PIK3R4: variants seen among roughly 807,000 people sequenced by gnomAD.
The protein encoded by PIK3R4 is phosphoinositide-3-kinase regulatory subunit 4, also known as phosphoinositide 3-kinase regulatory subunit 4.
In PIK3R4, 46 loss-of-function variants were observed where a neutral mutation model predicts 136.5. The ratio of observed to expected loss-of-function variants is 0.34; its 90% CI spans 0.27 to 0.43. The LOEUF (loss-of-function observed/expected upper bound fraction) is 0.43, where lower values mean the gene tolerates loss of function less well. Among genes scored for constraint, PIK3R4 ranks in the 20% least tolerant of loss-of-function variants. The pLI, the probability that PIK3R4 is intolerant of heterozygous loss-of-function variation, is 1.00. For missense variants in PIK3R4, 1,331 were observed against 1,649.5 expected (o/e 0.81, Z 3.35); for synonymous variants, 557 against 566.7 (o/e 0.98, Z 0.24).
chr3:130,730,142 GTA>G (rs1366037651), intron 5 of PIK3R4, among the ~76,000 whole-genome samples, 164 bp downstream of exon 5: 2 of 152,260 alleles, frequency 1.3e-5, no homozygotes, highest in Middle Eastern at 3.4e-3. Context: ...CAAGATAACA[GTA>G]TATGAGGATA....
chr3:130,706,805 CTG>C (rs2066608445), intron 11 of PIK3R4, 141 bp downstream of exon 11: 4 of 504,164 alleles, frequency 7.9e-6, no homozygotes, highest in Middle Eastern at 3.7e-4. Context: ...AAAGATAAAC[CTG>C]TCTTAGAAAG....
rs1396024076 is a variant in PIK3R4 at position 130,690,652 on chromosome 3, G to C, written c.3101C>G (p.Ser1034Cys). Reference protein sequence around the residue: ...KMEGKTTTTRSILTYSRIGGR... With the variant: ...KMEGKTTTTRCILTYSRIGGR... ...TCCAATTCGGCTGTATGTAAGAATA[G>C]ATCTGAATGAAAGAAAAATAAAATT... The change falls in exon 14 of 20, where the codon TCT becomes TGT. Residue 1034 changes from serine to cysteine, a missense_variant and splice_region_variant. Ser to Cys is a moderately radical substitution (Grantham distance 112). Coordinates refer to ENST00000356763, the MANE Select transcript of PIK3R4 (RefSeq NM_014602.3). The C allele has an allele frequency of 1.9e-6, 3 of 1,582,036 alleles. No homozygotes were observed. The highest frequency in any genetic ancestry group is 2.6e-6 in the Non-Finnish European group (3 of 1,159,508).
At position 130,690,579 on chromosome 3, in the gene PIK3R4, G is replaced by T; in HGVS notation, c.3174C>A (p.Ala1058=). Residue 1058 remains alanine (A), a synonymous_variant, in exon 14 of 20, where the codon GCC becomes GCA. Transcript: ENST00000356763. The part of the protein sequence containing the change: ...LTFCQGSHYL[A]IASDNGAVQL... ...GGACAGCACCATTATCAGATGCTAT[G>T]GCTAAATAGTGGGAGCCTTGGCAGA... is the stretch of plus-strand genomic sequence containing the variant. 6.2e-7 allele frequency: 1 copy of T among 1,612,142 alleles called. No individual in the cohort carries two copies.
chr3:130,739,378 T>C (rs911170709), intron 2 of PIK3R4, among the ~76,000 whole-genome samples: 2 of 152,044 alleles, frequency 1.3e-5, no homozygotes, highest in African/African-American at 4.8e-5. Flanking sequence ...GCTGGCCTTT[T>C]GTTTGTTTTT....
chr3:130,744,939 C>T lies in PIK3R4; in HGVS notation c.280G>A (p.Ala94Thr). The T allele has an allele frequency of 6.2e-7, 1 of 1,614,188 alleles. No individual in the cohort carries two copies. The highest frequency in any genetic ancestry group is 8.5e-7 in the Non-Finnish European group (1 of 1,180,022). The change falls in exon 2 of 20, where the codon GCA becomes ACA. Residue 94 changes from alanine to threonine, a missense_variant. Physicochemically the swap from Ala to Thr is moderately conservative, Grantham distance 58. Coordinates refer to ENST00000356763, the MANE Select transcript of PIK3R4 (RefSeq NM_014602.3). Reference sequence around the variant, plus strand: ...AAGAGCATAGCTGCTTTCTCAGATGCTTTTTCTGATGCTTTCTGGAAAGGT... The same window carrying T: ...AAGAGCATAGCTGCTTTCTCAGATGTTTTTTCTGATGCTTTCTGGAAAGGT... ...CLPFQKASEKASEKAAMLFRQ... is the reference protein window; with the variant it reads ...CLPFQKASEKTSEKAAMLFRQ...
chr3:130,697,010 A>T (rs1417530922), intron 13 of PIK3R4, among the ~76,000 whole-genome samples: 1 of 147,528 alleles, frequency 6.8e-6, no homozygotes, highest in Non-Finnish European at 1.5e-5. Flanking sequence ...GGTTGTCTCT[A>T]GGAGTAATTT....
intron 1 of PIK3R4, 41 bp from the exon 2 acceptor site, chr3:130,745,305 CAAAG>C (rs1323418956): frequency 7.4e-7 from 1 of 1,353,444 alleles, no homozygotes; most frequent in Non-Finnish European, 1.0e-6. Flanking sequence ...AGACAAGAAA[CAAAG>C]AAGCTGTGAA....
intron 13 of PIK3R4, among the ~76,000 whole-genome samples, chr3:130,693,582 T>C (rs774579299): frequency 6.6e-6 from 1 of 152,186 alleles, no homozygotes; most frequent in African/African-American, 2.4e-5. Flanking sequence ...TGGTCCTATT[T>C]GGAGAAACAT....
chr3:130,721,776 G>C (rs1310249032), intron 7 of PIK3R4, among the ~76,000 whole-genome samples: 1 of 152,012 alleles, frequency 6.6e-6, no homozygotes, highest in Admixed American at 6.6e-5. Flanking sequence ...TTAGTCAAAG[G>C]ATACAAAAAT....
intron 16 of PIK3R4, 35 bp from the exon 17 acceptor site, chr3:130,681,626 C>A: frequency 7.8e-7 from 1 of 1,275,806 alleles, no homozygotes; most frequent in South Asian, 1.2e-5. Flanking sequence ...TTGACTCAGA[C>A]AAAAAGAGTT....
In PIK3R4 at chr3:130,712,835, T is replaced by C. The variant is rs139755204; in HGVS notation, c.2331+3561A>G. On this transcript the variant is annotated intron_variant, in intron 9 of 19. Transcript: ENST00000356763. ...GGGGCTGGAGCAGATAAACTGCACA[T>C]GGGCTTCTCCCTAAGTCTGTATAAA... Among the ~76,000 whole-genome samples, 1,341 of 152,244 alleles carry C rather than the reference T, an allele frequency of 8.8e-3. 28 individuals carry two copies. Among genetic ancestry groups the C allele is most frequent in the African/African-American group, 0.03 (1,229 of 41,536 alleles).
At position 130,725,100 on chromosome 3, in the gene PIK3R4, T is replaced by A. The variant is rs77158363; in HGVS notation, c.1808-1513A>T. Among the ~76,000 whole-genome samples the A allele has an allele frequency of 4.2e-3, 636 of 152,068 alleles. 3 individuals carry two copies. Among genetic ancestry groups the A allele is most frequent in the Non-Finnish European group, 5.4e-3 (364 of 67,834 alleles). On this transcript the variant is annotated intron_variant, in intron 6 of 19. Transcript: ENST00000356763. ...GGAAAAATTCTATCTAAAATTCCAG[T>A]GAATTATATTTAGGAACTTTACAAA...
At chr3:130,689,630 T>C (rs1043504533) in intron 14 of PIK3R4, among the ~76,000 whole-genome samples, 2 of 152,208 alleles carry the variant, frequency 1.3e-5, no homozygotes, top group African/African-American at 4.8e-5. Flanking sequence ...AAACAACTCC[T>C]CATTTTGCTT....
At chr3:130,683,784 T>C (rs1269736520) in intron 16 of PIK3R4, among the ~76,000 whole-genome samples, 1 of 152,138 alleles carries the variant, frequency 6.6e-6, no homozygotes, top group Non-Finnish European at 1.5e-5. Context: ...TAACTACGTA[T>C]TAAAGATGAG....
intron 6 of PIK3R4, among the ~76,000 whole-genome samples, chr3:130,726,146 C>T (rs2066730300): frequency 6.6e-6 from 1 of 151,534 alleles, no homozygotes; most frequent in Admixed American, 6.6e-5. Context: ...TATAGATTAT[C>T]TATATATGAC....
chr3:130,723,837 A>G (rs2066717129), intron 6 of PIK3R4: 1 of 324,796 alleles, frequency 3.1e-6, no homozygotes, highest in African/African-American at 2.1e-5. Context: ...GTCTCCTAAA[A>G]AGGAAGAAGA....
chr3:130,730,242 T>C, intron 5 of PIK3R4, 66 bp downstream of exon 5: 1 of 1,304,820 alleles, frequency 7.7e-7, no homozygotes, highest in Non-Finnish European at 1.1e-6. Flanking sequence ...CAAATGATAG[T>C]TTTACAAGTT....
chr3:130,742,329 C>CA (rs1035197124), intron 2 of PIK3R4, among the ~76,000 whole-genome samples: 36 of 151,872 alleles, frequency 2.4e-4, no homozygotes, highest in African/African-American at 8.7e-4. Flanking sequence ...CTATAATGCA[C>CA]AAAAAAAGGA....
chr3:130,721,729 G>A (rs2066702176), intron 7 of PIK3R4, among the ~76,000 whole-genome samples: 1 of 152,162 alleles, frequency 6.6e-6, no homozygotes. Flanking sequence ...GTGGTTACCA[G>A]GGGCTGGGGT....
Sources: gnomAD v4.1 joint callset for allele counts (sites outside exome capture counted in the v4.1 genomes callset) on GRCh38, gnomAD v4.1.1 for gene constraint, MANE v1.5 for transcripts, NCBI Gene and HGNC (gene_info 2026-07-23, HGNC 2026-07-21) for gene names.